The following ABL1 variants were observed in gnomAD, a reference collection of about 807,000 sequenced individuals.
ABL1 encodes the protein tyrosine-protein kinase ABL1.
Under a neutral mutation model 94.7 loss-of-function variants are expected in ABL1, and 11 were observed. That is an observed-to-expected ratio of 0.12 (90% confidence interval 0.07 to 0.19). ABL1 has a LOEUF of 0.19. ABL1 is among the 10% of genes least tolerant of loss of function. The pLI, the probability that ABL1 is intolerant of heterozygous loss-of-function variation, is 1.00. For missense variants in ABL1, 1,082 were observed against 1,489.4 expected, an observed-to-expected ratio of 0.73 and a Z score of 4.50; for synonymous variants, 656 against 622.4, an observed-to-expected ratio of 1.05 and a Z score of -0.80.
chr9:130,773,437 C>CT (rs1302010880), intron 1 of ABL1, among the ~76,000 whole-genome samples: 2 of 151,904 alleles, frequency 1.3e-5, no homozygotes, highest in Non-Finnish European at 2.9e-5. Flanking sequence ...AATCAAGATG[C>CT]TTTTTTCCCC....
chr9:130,750,796 GCCA>G, intron 1 of ABL1, among the ~76,000 whole-genome samples: 1 of 150,094 alleles, frequency 6.7e-6, no homozygotes, highest in Non-Finnish European at 1.5e-5. Context: ...ACAGGTGCTC[GCCA>G]CCATGCCTGG....
chr9:130,831,685 T>C (rs1001518489), upstream of ABL1, among the ~76,000 whole-genome samples: 18 of 152,282 alleles, frequency 1.2e-4, no homozygotes, highest in African/African-American at 3.4e-4. Flanking sequence ...CTTGGCACAC[T>C]GCAACCTCCA....
intron 1 of ABL1, among the ~76,000 whole-genome samples, chr9:130,794,263 C>G (rs376658650): frequency 6.6e-6 from 1 of 152,042 alleles, no homozygotes; most frequent in African/African-American, 2.4e-5. Flanking sequence ...ACGTTGCAAA[C>G]TGCAACGTTT....
intron 1 of ABL1, among the ~76,000 whole-genome samples, chr9:130,815,029 G>A (rs1263053437): frequency 1.3e-5 from 2 of 151,756 alleles, no homozygotes; most frequent in African/African-American, 4.8e-5. Flanking sequence ...CTGACTTAAA[G>A]TCTTAATTAA....
At position 130,860,470 on chromosome 9, in the gene ABL1, C is replaced by T. The variant is rs553550190; in HGVS notation, c.550-2293C>T. Among the ~76,000 whole-genome samples the T allele has an allele frequency of 2.6e-5, 4 of 152,282 alleles. No individual in the cohort carries two copies. In the South Asian group the frequency reaches 8.3e-4, roughly 32 times the overall value. ...CAAATGAGCCCAAGAAGAAATTCTG[C>T]GTAAACTAGGACTTAGGGGAGCCCT... On this transcript the variant is annotated intron_variant, in intron 3 of 10. Transcript: ENST00000318560.
rs780815133 is a variant in ABL1 at position 130,885,484 on chromosome 9, C to T, written c.3194C>T (p.Thr1065Met). The change falls in exon 11 of 11, where the codon ACG becomes ATG. Residue 1065 changes from threonine (T) to methionine (M), a missense_variant. By Grantham distance (81) the Thr-to-Met change is moderately conservative (BLOSUM62 -1). This residue lies in a region of ABL1 where 780 missense variants were observed against 835.8 expected (regional missense o/e 0.93). Transcript: ENST00000318560. The part of the protein sequence containing the change: ...AVLEAGKNLY[T>M]FCVSYVDSIQ... ...CTGGAGGCCGGCAAAAACCTCTACA[C>T]GTTCTGCGTGAGCTATGTGGATTCC... 6.2e-6 allele frequency: 10 copies of T among 1,614,010 alleles called. No homozygotes were observed. Among genetic ancestry groups the T allele is most frequent in the South Asian group, 1.1e-5 (1 of 91,096 alleles).
At chr9:130,833,537 C>T (rs965400769), upstream of ABL1, among the ~76,000 whole-genome samples, 2 of 152,198 alleles carry the variant, frequency 1.3e-5, no homozygotes, top group Non-Finnish European at 2.9e-5. Flanking sequence ...CCCTGGGGGC[C>T]CTGTAGTCCT....
chr9:130,806,175 C>G (rs1349777206), intron 1 of ABL1, among the ~76,000 whole-genome samples: 1 of 152,202 alleles, frequency 6.6e-6, no homozygotes, highest in Non-Finnish European at 1.5e-5. Flanking sequence ...TCCCAGCAAA[C>G]TCTTCAATGG....
At chr9:130,834,665 C>A (rs866186564), upstream of ABL1, among the ~76,000 whole-genome samples, 1 of 152,220 alleles carries the variant, frequency 6.6e-6, no homozygotes, top group Non-Finnish European at 1.5e-5. Context: ...TCTGAACTCA[C>A]ACCCGTCTGT....
At chr9:130,718,317 CAAAAA>C (rs35188504) in intron 1 of ABL1, among the ~76,000 whole-genome samples, 1 of 73,076 alleles carries the variant, frequency 1.4e-5, no homozygotes, top group African/African-American at 4.4e-5. Context: ...GACTCTGTCT[CAAAAA>C]AAAAAAAAAA....
chr9:130,730,056 T>C (rs958297843), intron 1 of ABL1, among the ~76,000 whole-genome samples: 2 of 146,300 alleles, frequency 1.4e-5, no homozygotes, highest in Non-Finnish European at 3.0e-5. Flanking sequence ...CTTTTTTTTT[T>C]TTTTGAGATG....
chr9:130,735,984 C>G (rs1200988829), intron 1 of ABL1, among the ~76,000 whole-genome samples: 2 of 114,484 alleles, frequency 1.7e-5, no homozygotes, highest in Non-Finnish European at 3.2e-5. Flanking sequence ...AAGACAGGGT[C>G]TGGCTCTGTT....
At chr9:130,728,465 A>G in intron 1 of ABL1, among the ~76,000 whole-genome samples, 2 of 148,874 alleles carry the variant, frequency 1.3e-5, no homozygotes, top group Admixed American at 6.7e-5. Flanking sequence ...GGCTCACTAC[A>G]AGCTCCACCT....
chr9:130,806,933 G>A (rs918165016), intron 1 of ABL1, among the ~76,000 whole-genome samples: 2 of 152,118 alleles, frequency 1.3e-5, no homozygotes, highest in African/African-American at 4.8e-5. Flanking sequence ...GGCGAATCAG[G>A]AGGTCAGGAG....
At position 130,884,126 on chromosome 9, in the gene ABL1, A is replaced by T. The variant is rs772392083; in HGVS notation, c.1836A>T (p.Pro612=). 1 of 1,613,728 alleles carries T rather than the reference A, an allele frequency of 6.2e-7. No individual in the cohort carries two copies. Among genetic ancestry groups the T allele is most frequent in the Admixed American group, 1.7e-5 (1 of 60,036 alleles). Residue 612 remains proline (P), a synonymous_variant, in exon 11 of 11, where the codon CCA becomes CCT. Coordinates refer to ENST00000318560, the MANE Select transcript of ABL1 (RefSeq NM_005157.6). This position sits in a 1 kb window ranked among gnomAD's most constrained non-coding sequence, Gnocchi z 5.6. ...TCAAGAAGAAGAAGAAGACAGCCCC[A>T]ACCCCTCCCAAACGCAGCAGCTCCT... The part of the protein sequence containing the change: ...ALIKKKKKTA[P]TPPKRSSSFR...
chr9:130,817,821 C>T (rs995931745), intron 1 of ABL1, among the ~76,000 whole-genome samples: 4 of 152,042 alleles, frequency 2.6e-5, no homozygotes, highest in South Asian at 2.1e-4. Context: ...TGGATGTACC[C>T]GTGTATTGAT....
rs557879885 is a variant in ABL1, at chr9:130,885,172, C to T, written c.2882C>T (p.Pro961Leu). 3.3e-4 allele frequency: 531 copies of T among 1,613,342 alleles called. 3 individuals are homozygous for T. The South Asian group carries it at 5.4e-3, about 16-fold the overall frequency. Residue 961 changes from proline (P) to leucine (L), a missense_variant, in exon 11 of 11, where the codon CCG becomes CTG. Pro to Leu is a moderately conservative substitution (Grantham distance 98). Transcript: ENST00000318560. ...GAGGGCCTCAAAAAGCCCGTGCTCC[C>T]GGCCACTCCAAAGCCACAGTCCGCC... is the stretch of plus-strand genomic sequence containing the variant. Reference protein sequence around the residue: ...PGEGLKKPVLPATPKPQSAKP... With the variant: ...PGEGLKKPVLLATPKPQSAKP...
At position 130,886,169 on chromosome 9, in the gene ABL1, G is replaced by C. The variant is rs116177111; in HGVS notation, c.*486G>C. 1 of 243,684 alleles carries C rather than the reference G, an allele frequency of 4.1e-6. No individual in the cohort carries two copies. The highest frequency in any genetic ancestry group is 8.0e-6 in the Non-Finnish European group (1 of 124,536). The allele number at this position is 243,684 out of a possible 1,614,324, so 15.1% of individuals were successfully genotyped here. A position where few individuals can be genotyped will look rare whatever the true frequency, so the allele number is the denominator to read the frequency against. On this transcript the variant is annotated 3_prime_UTR_variant, in exon 11 of 11. Transcript: ENST00000318560. Reference sequence around the variant, plus strand: ...CCTGCACTCCCTGGCCTTGCCCGTCGTGTGCTGAAGACATGTTTCAAGAAC... The same window carrying C: ...CCTGCACTCCCTGGCCTTGCCCGTCCTGTGCTGAAGACATGTTTCAAGAAC...
intron 1 of ABL1, among the ~76,000 whole-genome samples, chr9:130,841,382 C>T (rs1356409350): frequency 6.6e-6 from 1 of 151,836 alleles, no homozygotes; most frequent in Non-Finnish European, 1.5e-5. Flanking sequence ...CCTGGGATTA[C>T]AGGCGTGAGC....
Sources: gnomAD v4.1 joint callset for allele counts (sites outside exome capture counted in the v4.1 genomes callset) on GRCh38, gnomAD v4.1.1 for gene constraint, gnomAD v4.1.1 regional missense constraint, Gnocchi (gnomAD v3.1) non-coding constraint, MANE v1.5 for transcripts, NCBI Gene and HGNC (gene_info 2026-07-23, HGNC 2026-07-21) for gene names.